GABBR1: variants seen among roughly 807,000 people sequenced by gnomAD.
GABBR1 encodes the protein GABA-B receptor, R1 subunit.
GABBR1 carries 35 observed loss-of-function variants against 117.7 expected under a neutral mutation model. The ratio of observed to expected loss-of-function variants is 0.30; its 90% CI spans 0.23 to 0.39. GABBR1 has a LOEUF of 0.39. GABBR1 is among the 10% of genes least tolerant of loss of function. GABBR1 has a pLI of 1.00. For synonymous variants in GABBR1, 442 were observed against 486.6 expected, an observed-to-expected ratio of 0.91 and a Z score of 1.21; for missense variants, 709 against 1,241.8, an observed-to-expected ratio of 0.57 and a Z score of 6.45.
chr6:29,604,772 C>T lies in GABBR1; in HGVS notation c.2568+88G>A, dbSNP rs531172373. 4.9e-5 allele frequency: 77 copies of T among 1,581,256 alleles called. No homozygotes were observed. The highest frequency in any genetic ancestry group is 6.3e-5 in the Non-Finnish European group (73 of 1,159,660). On this transcript the variant is annotated intron_variant, in intron 21 of 22. Transcript: ENST00000377034. This position sits in a 1 kb window ranked among gnomAD's most constrained non-coding sequence, Gnocchi z 5.3. ...AGGGGAGGAGTGAGAGGAGGGTGAA[C>T]GGAAGGGCAGAGGAACTCAGTAATA...
At chr6:29,618,822 C>T (rs1162911725) in intron 11 of GABBR1, among the ~76,000 whole-genome samples, 2 of 152,188 alleles carry the variant, frequency 1.3e-5, no homozygotes, top group African/African-American at 2.4e-5. Context: ...TTGCCAGGGG[C>T]TGTGCTTTGT....
In GABBR1 at chr6:29,609,283, C is replaced by T; in HGVS notation, c.1805G>A (p.Gly602Asp). Residue 602 changes from glycine (G) to aspartate (D), a missense_variant, in exon 15 of 23, where the codon GGC becomes GAC. By Grantham distance (94) the Gly-to-Asp change is moderately conservative (BLOSUM62 -1). Coordinates refer to ENST00000377034, the MANE Select transcript of GABBR1 (RefSeq NM_001470.4). The surrounding 1 kb of genome is among the most constrained non-coding windows in gnomAD (Gnocchi z 4.3). ...FISVSVLSSLGIVLAVVCLSF... is the reference protein window; with the variant it reads ...FISVSVLSSLDIVLAVVCLSF... ...CAGACAGACAACAGCTAGGACAATG[C>T]CCAGGCTGGAGAGAACTGAGACGGA... 1 of 1,612,790 alleles carries T rather than the reference C, an allele frequency of 6.2e-7. No homozygotes were observed. Among genetic ancestry groups the T allele is most frequent in the Non-Finnish European group, 8.5e-7 (1 of 1,179,836 alleles).
rs1261730564 is a variant in GABBR1, at chr6:29,632,927, C to G, written c.-78G>C. 1 of 215,426 alleles carries G rather than the reference C, an allele frequency of 4.6e-6. No homozygotes were observed. The highest frequency in any genetic ancestry group is 2.4e-5 in the African/African-American group (1 of 41,604). 13.3% of individuals were successfully genotyped at this position (215,426 alleles called of 1,614,324 possible). ...CCCGGCCGCTCCTCCCCGCTCCCCC[C>G]TCCCTTCTCCTCCACCTTTCTCCTC... is the stretch of plus-strand genomic sequence containing the variant. On this transcript the variant is annotated 5_prime_UTR_variant, in exon 1 of 23. Transcript: ENST00000377034. This position sits in a 1 kb window ranked among gnomAD's most constrained non-coding sequence, Gnocchi z 5.8.
Position 29,621,842 on chromosome 6 carries a change from C to G in GABBR1, c.1066-25G>C. On this transcript the variant is annotated intron_variant, in intron 9 of 22. Coordinates refer to ENST00000377034, the MANE Select transcript of GABBR1 (RefSeq NM_001470.4). This position sits in a 1 kb window ranked among gnomAD's most constrained non-coding sequence, Gnocchi z 5.0. ...GCTACAACAGAGAAAGAAACAGCTCCTGAGGGATGCCCGGGAATGCCTGAG... is the reference window on the plus strand; with the variant it reads ...GCTACAACAGAGAAAGAAACAGCTCGTGAGGGATGCCCGGGAATGCCTGAG... The G allele has an allele frequency of 6.2e-7, 1 of 1,613,050 alleles. No individual in the cohort carries two copies. Among genetic ancestry groups the G allele is most frequent in the African/African-American group, 1.3e-5 (1 of 75,010 alleles).
Position 29,607,306 on chromosome 6 carries a change from G to T in GABBR1, c.1993-88C>A, listed in dbSNP as rs931252642. 15 of 1,052,614 alleles carry T rather than the reference G, an allele frequency of 1.4e-5. No homozygotes were observed. In the Admixed American group the frequency reaches 1.7e-4, roughly 12 times the overall value. The allele number at this position is 1,052,614 out of a possible 1,614,324, so 65.2% of individuals were successfully genotyped here. A position where few individuals can be genotyped will look rare whatever the true frequency, so the allele number is the denominator to read the frequency against. On this transcript the variant is annotated intron_variant, in intron 16 of 22. Coordinates refer to ENST00000377034, the MANE Select transcript of GABBR1 (RefSeq NM_001470.4). This position sits in a 1 kb window ranked among gnomAD's most constrained non-coding sequence, Gnocchi z 5.0. ...ATGGGCAGAACCCTAAGGGAGAGTGGGCAGGGAGCACGGGCAGGGAGCTCA... is the reference window on the plus strand; with the variant it reads ...ATGGGCAGAACCCTAAGGGAGAGTGTGCAGGGAGCACGGGCAGGGAGCTCA...
intron 6 of GABBR1, among the ~76,000 whole-genome samples, chr6:29,625,285 C>T (rs1764155204): frequency 6.6e-6 from 1 of 152,112 alleles, no homozygotes; most frequent in African/African-American, 2.4e-5. Flanking sequence ...GCACTCTCCC[C>T]ACATCTATTA....
Position 29,630,340 on chromosome 6 carries a change from C to T in GABBR1, c.475+118G>A. Reference sequence around the variant, plus strand: ...AAAAGGGACTTTCATCTCCCCTTTCCAGTGTCCTCCCCCACATTTTTATAG... The same window carrying T: ...AAAAGGGACTTTCATCTCCCCTTTCTAGTGTCCTCCCCCACATTTTTATAG... On this transcript the variant is annotated intron_variant, in intron 4 of 22. Transcript: ENST00000377034. This position sits in a 1 kb window ranked among gnomAD's most constrained non-coding sequence, Gnocchi z 4.9. 3 of 912,348 alleles carry T rather than the reference C, an allele frequency of 3.3e-6. No homozygotes were observed. Among genetic ancestry groups the T allele is most frequent in the Middle Eastern group, 3.5e-4 (1 of 2,882 alleles). The allele number at this position is 912,348 out of a possible 1,614,324, so 56.5% of individuals were successfully genotyped here.
chr6:29,606,670 C>T lies in GABBR1; in HGVS notation c.2218-186G>A, dbSNP rs1761991776. The T allele has an allele frequency of 1.6e-6, 1 of 636,562 alleles. No individual in the cohort carries two copies. Among genetic ancestry groups the T allele is most frequent in the Non-Finnish European group, 2.8e-6 (1 of 360,218 alleles). 39.4% of individuals were successfully genotyped at this position (636,562 alleles called of 1,614,324 possible). ...TGCTTGTTCCCCACTTTCCCTGATG[C>T]CTGGAAGTTCTACACACCCTTCCCA... On this transcript the variant is annotated intron_variant, in intron 18 of 22. Transcript: ENST00000377034. This position sits in a 1 kb window ranked among gnomAD's most constrained non-coding sequence, Gnocchi z 4.5.
At position 29,611,133 on chromosome 6, in the gene GABBR1, G is replaced by T; in HGVS notation, c.1631-132C>A. ...TATTTTCACCTGAGGCCCTAAGGAT[G>T]CTTGGAAGGACCTACGAGACTCTTG... is the stretch of plus-strand genomic sequence containing the variant. On this transcript the variant is annotated intron_variant, in intron 13 of 22. Coordinates refer to ENST00000377034, the MANE Select transcript of GABBR1 (RefSeq NM_001470.4). The surrounding 1 kb of genome is among the most constrained non-coding windows in gnomAD (Gnocchi z 4.6). 1 of 675,774 alleles carries T rather than the reference G, an allele frequency of 1.5e-6. No homozygotes were observed. The allele number at this position is 675,774 out of a possible 1,614,324, so 41.9% of individuals were successfully genotyped here. A position where few individuals can be genotyped will look rare whatever the true frequency, so the allele number is the denominator to read the frequency against.
intron 11 of GABBR1, among the ~76,000 whole-genome samples, chr6:29,614,022 C>T (rs1479611296): frequency 6.6e-6 from 1 of 152,204 alleles, no homozygotes; most frequent in Admixed American, 6.5e-5. Flanking sequence ...GGTTCACTGC[C>T]TCTTAGAAGG....
rs1479456869 is a variant in GABBR1 at position 29,604,618 on chromosome 6, C to T, written c.2588G>A (p.Arg863Gln). 4 of 1,613,228 alleles carry T rather than the reference C, an allele frequency of 2.5e-6. No individual in the cohort carries two copies. The highest frequency in any genetic ancestry group is 1.1e-5 in the South Asian group (1 of 91,090). Residue 863 changes from arginine to glutamine, a missense_variant, in exon 22 of 23, where the codon CGA (arginine) becomes CAA (glutamine). Arg to Gln is a conservative substitution (Grantham distance 43). This residue lies in a region of GABBR1 where 251 missense variants were observed against 445.3 expected (regional missense o/e 0.56). Coordinates refer to ENST00000377034, the MANE Select transcript of GABBR1 (RefSeq NM_001470.4). This position sits in a 1 kb window ranked among gnomAD's most constrained non-coding sequence, Gnocchi z 5.3. ...CTGCGCCTCCGACTGCCATTCCCCTCGGGTGATCAGCCTGCGCATCTGGGG... is the reference window on the plus strand; with the variant it reads ...CTGCGCCTCCGACTGCCATTCCCCTTGGGTGATCAGCCTGCGCATCTGGGG... ...FVPKMRRLIT[R>Q]GEWQSEAQDT...
chr6:29,621,307 GA>G lies in GABBR1; in HGVS notation c.1132-16del. The G allele has an allele frequency of 6.2e-7, 1 of 1,602,754 alleles. No homozygotes were observed. The highest frequency in any genetic ancestry group is 8.5e-7 in the Non-Finnish European group (1 of 1,173,712). ...TCCTTGTACACCTGAATACAGAGGA[GA>G]ATGGCTGAGTTTTTGTTTGCTCATT... On this transcript the variant is annotated splice_polypyrimidine_tract_variant and intron_variant, in intron 10 of 22. Coordinates refer to ENST00000377034, the MANE Select transcript of GABBR1 (RefSeq NM_001470.4). This position sits in a 1 kb window ranked among gnomAD's most constrained non-coding sequence, Gnocchi z 5.0.
At position 29,632,237 on chromosome 6, in the gene GABBR1, G is replaced by A; in HGVS notation, c.85+64C>T. The A allele has an allele frequency of 2.1e-6, 2 of 969,112 alleles. No individual in the cohort carries two copies. The highest frequency in any genetic ancestry group is 2.9e-6 in the Non-Finnish European group (2 of 691,270). The allele number at this position is 969,112 out of a possible 1,614,324, so 60.0% of individuals were successfully genotyped here. On this transcript the variant is annotated intron_variant, in intron 2 of 22. Transcript: ENST00000377034. This position sits in a 1 kb window ranked among gnomAD's most constrained non-coding sequence, Gnocchi z 5.8. ...TGGGATAGTGATGAGGACCAGAAAT[G>A]AGGAGATGCAGGGAAAGGGAAGTGG...
Position 29,607,086 on chromosome 6 carries a change from T to C in GABBR1, c.2109+16A>G, listed in dbSNP as rs2127393968. ...GAGCCAAGGATCTGGGGGCTGAGGATTGGGCAGCAGCTCACCTTCCTCCAC... is the reference window on the plus strand; with the variant it reads ...GAGCCAAGGATCTGGGGGCTGAGGACTGGGCAGCAGCTCACCTTCCTCCAC... On this transcript the variant is annotated intron_variant, in intron 17 of 22. Transcript: ENST00000377034. The surrounding 1 kb of genome is among the most constrained non-coding windows in gnomAD (Gnocchi z 5.0). 1.9e-6 allele frequency: 3 copies of C among 1,610,076 alleles called. No individual in the cohort carries two copies. Among genetic ancestry groups the C allele is most frequent in the Non-Finnish European group, 2.6e-6 (3 of 1,176,282 alleles).
At position 29,627,026 on chromosome 6, in the gene GABBR1, G is replaced by C. The variant is rs191732166; in HGVS notation, c.657+460C>G. On this transcript the variant is annotated intron_variant, in intron 6 of 22. Coordinates refer to ENST00000377034, the MANE Select transcript of GABBR1 (RefSeq NM_001470.4). This position sits in a 1 kb window ranked among gnomAD's most constrained non-coding sequence, Gnocchi z 4.4. ...AGTCTCTCAAAATTTTCCTCATTCT[G>C]TCCCTATTCCTTCCAGCTCCAACCT... Among the ~76,000 whole-genome samples the C allele has an allele frequency of 1.3e-5, 2 of 152,088 alleles. No homozygotes were observed. Among genetic ancestry groups the C allele is most frequent in the East Asian group, 3.9e-4 (2 of 5,164 alleles).
chr6:29,609,279 A>G lies in GABBR1; in HGVS notation c.1809T>C (p.Ile603=). ...AGGACAGACAGACAACAGCTAGGAC[A>G]ATGCCCAGGCTGGAGAGAACTGAGA... ...ISVSVLSSLG[I]VLAVVCLSFN... Residue 603 remains isoleucine, a synonymous_variant, in exon 15 of 23, where the codon ATT becomes ATC. Transcript: ENST00000377034. This position sits in a 1 kb window ranked among gnomAD's most constrained non-coding sequence, Gnocchi z 4.3. 6.2e-7 allele frequency: 1 copy of G among 1,613,058 alleles called. No individual in the cohort carries two copies. The highest frequency in any genetic ancestry group is 8.5e-7 in the Non-Finnish European group (1 of 1,180,002).
intron 6 of GABBR1, among the ~76,000 whole-genome samples, chr6:29,626,006 A>G (rs1764229901): frequency 1.3e-5 from 2 of 152,166 alleles, no homozygotes; most frequent in South Asian, 4.1e-4. Flanking sequence ...TCAGGAATCC[A>G]CCAAGATAGG....
rs1404257133 is a variant in GABBR1, at chr6:29,613,204, T to C, written c.1566+39A>G. On this transcript the variant is annotated intron_variant, in intron 12 of 22. Transcript: ENST00000377034. The surrounding 1 kb of genome is among the most constrained non-coding windows in gnomAD (Gnocchi z 4.1). Reference sequence around the variant, plus strand: ...TGCCTCTTGGGAGTCTCTCTCAAGATTGGGAAGACAGGGGAGTATGAAGGA... The same window carrying C: ...TGCCTCTTGGGAGTCTCTCTCAAGACTGGGAAGACAGGGGAGTATGAAGGA... 1.9e-6 allele frequency: 3 copies of C among 1,601,350 alleles called. No homozygotes were observed. Among genetic ancestry groups the C allele is most frequent in the South Asian group, 1.1e-5 (1 of 90,588 alleles).
chr6:29,622,081 C>T lies in GABBR1; in HGVS notation c.1065+23G>A, dbSNP rs773414149. 3.8e-6 allele frequency: 6 copies of T among 1,594,056 alleles called. No homozygotes were observed. Among genetic ancestry groups the T allele is most frequent in the Non-Finnish European group, 5.2e-6 (6 of 1,162,224 alleles). On this transcript the variant is annotated intron_variant, in intron 9 of 22. Coordinates refer to ENST00000377034, the MANE Select transcript of GABBR1 (RefSeq NM_001470.4). This position sits in a 1 kb window ranked among gnomAD's most constrained non-coding sequence, Gnocchi z 4.6. ...CAGCTTGGTCCCTCCGTAAACAGAG[C>T]CCACCACTCCCAGCCATCTGACCTT...
Sources: allele counts gnomAD v4.1 joint callset (sites outside exome capture counted in the v4.1 genomes callset), GRCh38; gene constraint gnomAD v4.1.1; regional missense constraint gnomAD v4.1.1; non-coding constraint Gnocchi (gnomAD v3.1); transcripts MANE v1.5; gene names NCBI Gene and HGNC (gene_info 2026-07-23, HGNC 2026-07-21).